BANK1: variants seen among roughly 807,000 people sequenced by gnomAD.
BANK1 encodes the protein B cell scaffold protein with ankyrin repeats 1, also known as B-cell scaffold protein with ankyrin repeats.
Under a neutral mutation model 94.5 loss-of-function variants are expected in BANK1, and 95 were observed. The observed-to-expected ratio is 1.00, with a 90% CI of 0.85 to 1.19. The LOEUF (loss-of-function observed/expected upper bound fraction) is 1.19. Ranked by LOEUF, BANK1 falls within the 50% of genes most tolerant of loss-of-function variation. The pLI is 0.00. For synonymous variants in BANK1, 334 were observed against 308.4 expected (o/e 1.08, Z -0.87); for missense variants, 987 against 932.2 (o/e 1.06, Z -0.77).
intron 7 of BANK1, among the ~76,000 whole-genome samples, chr4:101,928,826 G>A (rs1427907752): frequency 6.6e-6 from 1 of 151,598 alleles, no homozygotes; most frequent in Non-Finnish European, 1.5e-5. Context: ...AGCGCCTGGC[G>A]CTGAACATTT....
At chr4:101,916,651 C>T (rs1722839135) in intron 6 of BANK1, among the ~76,000 whole-genome samples, 1 of 151,992 alleles carries the variant, frequency 6.6e-6, no homozygotes, top group African/African-American at 2.4e-5. Flanking sequence ...GCTAATTCAC[C>T]TGTTTATTTG....
intron 7 of BANK1, among the ~76,000 whole-genome samples, chr4:101,989,127 T>C (rs563388646): frequency 2.2e-4 from 33 of 152,032 alleles, no homozygotes; most frequent in Non-Finnish European, 3.8e-4. Flanking sequence ...TGGGCCAACA[T>C]AGCAAGAACC....
At chr4:102,010,629 G>T (rs1325441341) in intron 7 of BANK1, among the ~76,000 whole-genome samples, 1 of 152,072 alleles carries the variant, frequency 6.6e-6, no homozygotes, top group Non-Finnish European at 1.5e-5. Context: ...CTGAACTCAG[G>T]TGATCCATCC....
chr4:101,980,681 T>C (rs1332079833), intron 7 of BANK1, among the ~76,000 whole-genome samples: 1 of 152,034 alleles, frequency 6.6e-6, no homozygotes, highest in African/African-American at 2.4e-5. Flanking sequence ...ACAGTTTATG[T>C]CCTTGTGATG....
chr4:101,922,933 C>A (rs745887036), intron 7 of BANK1, among the ~76,000 whole-genome samples: 2 of 151,876 alleles, frequency 1.3e-5, no homozygotes, highest in Non-Finnish European at 2.9e-5. Context: ...CCTAACTCTG[C>A]AGCTCTAAAC....
At chr4:101,793,918 G>A (rs1725070824) in intron 1 of BANK1, among the ~76,000 whole-genome samples, 1 of 152,018 alleles carries the variant, frequency 6.6e-6, no homozygotes, top group Admixed American at 6.6e-5. Context: ...GTGAAAAACT[G>A]CCTCATACTG....
chr4:101,909,670 A>G (rs895755890), intron 6 of BANK1, among the ~76,000 whole-genome samples: 1 of 152,186 alleles, frequency 6.6e-6, no homozygotes. Context: ...ACATGTTACA[A>G]TGCTGCAGAG....
intron 1 of BANK1, among the ~76,000 whole-genome samples, chr4:101,797,896 A>G (rs1725212990): frequency 6.6e-6 from 1 of 152,238 alleles, no homozygotes; most frequent in Non-Finnish European, 1.5e-5. Flanking sequence ...AACTACAACA[A>G]TGAATAGGAT....
intron 12 of BANK1, 143 bp downstream of exon 12, chr4:102,060,532 T>C: frequency 1.1e-6 from 1 of 934,512 alleles, no homozygotes; most frequent in South Asian, 1.8e-5. Context: ...AGAAATCAAA[T>C]AATGTTTGAA....
In BANK1 at chr4:101,925,810, G is replaced by C. The variant is rs189956568; in HGVS notation, c.1206+7621G>C. 1.9e-3 allele frequency among the ~76,000 whole-genome samples: 288 copies of C among 151,706 alleles called. 2 individuals carry two copies. The highest frequency in any genetic ancestry group is 0.017 in the Middle Eastern group (5 of 294). ...TTTCTGGCTTCTTTCAAACCAATTA[G>C]CTTGTGTAGAACAGGGTAACCTAGA... On this transcript the variant is annotated intron_variant, in intron 7 of 16. Transcript: ENST00000322953.
Position 101,790,777 on chromosome 4 carries a change from C to G in BANK1, c.-104C>G. 7.9e-7 allele frequency: 1 copy of G among 1,271,290 alleles called. No homozygotes were observed. Among genetic ancestry groups the G allele is most frequent in the Non-Finnish European group, 1.1e-6 (1 of 908,440 alleles). 78.8% of individuals were successfully genotyped at this position (1,271,290 alleles called of 1,614,324 possible). ...GGGTGGCAAGCGGGCTGGGGAGAGC[C>G]GAGGGCCAAAGGAAGAGAAAATCGC... On this transcript the variant is annotated 5_prime_UTR_variant, in exon 1 of 17. Transcript: ENST00000322953.
intron 10 of BANK1, 67 bp from the exon 11 acceptor site, chr4:102,043,772 G>A (rs1266035635): frequency 3.1e-6 from 3 of 970,638 alleles, no homozygotes; most frequent in Non-Finnish European, 1.5e-6. Context: ...GCTTCCTGGA[G>A]ACTTCTACAG....
At chr4:101,823,683 C>CT (rs1396225066) in intron 1 of BANK1, among the ~76,000 whole-genome samples, 18 of 152,142 alleles carry the variant, frequency 1.2e-4, no homozygotes, top group Admixed American at 1.1e-3. Flanking sequence ...TAATGCCAAG[C>CT]TTTTTTATAT....
intron 1 of BANK1, among the ~76,000 whole-genome samples, chr4:101,818,246 T>C (rs1248477434): frequency 6.6e-6 from 1 of 152,200 alleles, no homozygotes; most frequent in Non-Finnish European, 1.5e-5. Context: ...AACTGATTAT[T>C]ATCTTTATTC....
chr4:101,871,816 T>G, intron 5 of BANK1, among the ~76,000 whole-genome samples: 1 of 152,268 alleles, frequency 6.6e-6, no homozygotes, highest in African/African-American at 2.4e-5. Flanking sequence ...AGTGTAGAAG[T>G]AAAGTAGTCT....
chr4:101,829,056 G>T (rs1310943120), intron 1 of BANK1, among the ~76,000 whole-genome samples: 1 of 151,910 alleles, frequency 6.6e-6, no homozygotes, highest in African/African-American at 2.4e-5. Context: ...TAGAGATGGG[G>T]TTTCACTGTG....
At chr4:101,924,059 A>G (rs1358586706) in intron 7 of BANK1, among the ~76,000 whole-genome samples, 1 of 151,836 alleles carries the variant, frequency 6.6e-6, no homozygotes, top group East Asian at 1.9e-4. Flanking sequence ...CACGCTTTGC[A>G]CAGGTTGTAT....
At chr4:101,812,786 A>G (rs1339388737) in intron 1 of BANK1, among the ~76,000 whole-genome samples, 1 of 152,094 alleles carries the variant, frequency 6.6e-6, no homozygotes, top group Non-Finnish European at 1.5e-5. Context: ...GGAATTTCCA[A>G]TGCTTCATTA....
chr4:101,923,486 G>A (rs1723065084), intron 7 of BANK1, among the ~76,000 whole-genome samples: 1 of 151,718 alleles, frequency 6.6e-6, no homozygotes, highest in African/African-American at 2.4e-5. Flanking sequence ...CACAACCTTT[G>A]ACATTGCTTT....
Sources: gnomAD v4.1 joint callset for allele counts (sites outside exome capture counted in the v4.1 genomes callset) on GRCh38, gnomAD v4.1.1 for gene constraint, MANE v1.5 for transcripts, NCBI Gene and HGNC (gene_info 2026-07-23, HGNC 2026-07-21) for gene names.